The following PXDNL variants were observed in gnomAD, a reference collection of about 807,000 sequenced individuals.
PXDNL encodes the protein probable oxidoreductase PXDNL.
Under a neutral mutation model 150.8 loss-of-function variants are expected in PXDNL, and 145 were observed. That is an observed-to-expected ratio of 0.96 (90% CI 0.84 to 1.10). The LOEUF (loss-of-function observed/expected upper bound fraction) is 1.10. Among genes scored for constraint, PXDNL ranks in the 50% least tolerant of loss-of-function variants. The probability of loss-of-function intolerance (pLI) is 0.00; values close to 1 mark genes in which losing one functional copy is unlikely to be tolerated. For synonymous variants in PXDNL, 757 were observed against 725.7 expected (o/e 1.04, Z -0.69); for missense variants, 2,087 against 1,873.9 (o/e 1.11, Z -2.10).
intron 1 of PXDNL, among the ~76,000 whole-genome samples, chr8:51,773,544 C>G (rs1040939190): frequency 3.9e-5 from 6 of 152,174 alleles, no homozygotes; most frequent in Non-Finnish European, 8.8e-5. Context: ...GCCCAAACAC[C>G]TTCTAGAATT....
intron 6 of PXDNL, among the ~76,000 whole-genome samples, chr8:51,478,454 C>T (rs1810529693): frequency 6.6e-6 from 1 of 152,192 alleles, no homozygotes; most frequent in African/African-American, 2.4e-5. Context: ...AACAGTAACA[C>T]CTCACTTGTA....
rs559825846 is a variant in PXDNL at position 51,493,843 on chromosome 8, T to C, written c.452+5856A>G. Among the ~76,000 whole-genome samples, 3 of 152,284 alleles carry C rather than the reference T, an allele frequency of 2.0e-5. No homozygotes were observed. The East Asian group carries it at 5.8e-4, about 29-fold the overall frequency. On this transcript the variant is annotated intron_variant, in intron 5 of 22. Coordinates refer to ENST00000356297, the MANE Select transcript of PXDNL (RefSeq NM_144651.5). Reference sequence around the variant, plus strand: ...AAGTGACAGGGAGAATGGAACCAAGTTGGAAAACAGTCTGCAGGATATTAT... The same window carrying C: ...AAGTGACAGGGAGAATGGAACCAAGCTGGAAAACAGTCTGCAGGATATTAT...
In PXDNL at chr8:51,349,699, C is replaced by T. The variant is rs1040702915; in HGVS notation, c.3902-3752G>A. On this transcript the variant is annotated intron_variant, in intron 19 of 22. Transcript: ENST00000356297. ...AGTTCATTGGAGTGGATTGACAGTCCGTGGTGAATAAACAAGGTCAAGTTT... is the reference window on the plus strand; with the variant it reads ...AGTTCATTGGAGTGGATTGACAGTCTGTGGTGAATAAACAAGGTCAAGTTT... 2.0e-5 allele frequency among the ~76,000 whole-genome samples: 3 copies of T among 152,146 alleles called. No individual in the cohort carries two copies. The South Asian group carries it at 6.2e-4, about 32-fold the overall frequency.
intron 1 of PXDNL, among the ~76,000 whole-genome samples, chr8:51,744,196 G>GA (rs1253983574): frequency 7.4e-6 from 1 of 134,268 alleles, no homozygotes; most frequent in South Asian, 2.4e-4. Flanking sequence ...AAGAGAGAAA[G>GA]AAAAAAGAAA....
intron 17 of PXDNL, among the ~76,000 whole-genome samples, chr8:51,378,851 A>T (rs1183288624): frequency 6.6e-6 from 1 of 151,880 alleles, no homozygotes; most frequent in African/African-American, 2.4e-5. Context: ...AACTCTGAAC[A>T]TGTTCGAACA....
At position 51,492,639 on chromosome 8, in the gene PXDNL, C is replaced by T. The variant is rs139240671; in HGVS notation, c.452+7060G>A. ...AATGGCACACCAGGAGATTGTATCC[C>T]GCACCTGGCTCGGAGGGTCCTACGC... is the stretch of plus-strand genomic sequence containing the variant. On this transcript the variant is annotated intron_variant, in intron 5 of 22. Transcript: ENST00000356297. Among the ~76,000 whole-genome samples, 1,218 of 152,280 alleles carry T rather than the reference C, an allele frequency of 8.0e-3. 46 individuals are homozygous for T. The highest frequency in any genetic ancestry group is 0.066 in the Admixed American group (1,011 of 15,282).
At chr8:51,342,260 A>AATCATC (rs1159540387) in intron 20 of PXDNL, among the ~76,000 whole-genome samples, 2 of 152,030 alleles carry the variant, frequency 1.3e-5, no homozygotes, top group Non-Finnish European at 2.9e-5. Context: ...ATAAGAGAAA[A>AATCATC]ATCATCAGTA....
chr8:51,752,186 C>T (rs1468559536), intron 1 of PXDNL, among the ~76,000 whole-genome samples: 2 of 152,334 alleles, frequency 1.3e-5, no homozygotes, highest in Admixed American at 6.5e-5. Flanking sequence ...AGTAAATTTA[C>T]TTAAATTCAG....
At chr8:51,407,195 T>C (rs192965152) in intron 17 of PXDNL, among the ~76,000 whole-genome samples, 144 of 152,322 alleles carry the variant, frequency 9.5e-4, no homozygotes, top group Non-Finnish European at 1.5e-4. Context: ...CAGGGTACTC[T>C]GATTTCTTTT....
At position 51,371,932 on chromosome 8, in the gene PXDNL, T is replaced by C. The variant is rs1807128200; in HGVS notation, c.3842A>G (p.Tyr1281Cys). ...CTTCGGGATCTCGCTGCAGTTCAGG[T>C]AATCCTGTGGGTATTCTGCCTTTAC... ...VFVKAEYPQD[Y>C]LNCSEIPKVD... The change falls in exon 19 of 23, where the codon TAC (tyrosine) becomes TGC (cysteine). Residue 1281 changes from tyrosine to cysteine, a missense_variant. Physicochemically the swap from Tyr to Cys is radical, Grantham distance 194 (BLOSUM62 -2). Coordinates refer to ENST00000356297, the MANE Select transcript of PXDNL (RefSeq NM_144651.5). 4.3e-6 allele frequency: 7 copies of C among 1,613,890 alleles called. No homozygotes were observed. Among genetic ancestry groups the C allele is most frequent in the African/African-American group, 1.3e-5 (1 of 74,930 alleles).
Position 51,388,319 on chromosome 8 carries a change from T to TA in PXDNL, c.3558-13589dup, listed in dbSNP as rs368847138. On this transcript the variant is annotated intron_variant, in intron 17 of 22. Transcript: ENST00000356297. ...GAAATCTGGTTTTTTTATGTTTTTG[T>TA]AACTTAACTTTCAGTTTGGGAATAT... 2.3e-3 allele frequency among the ~76,000 whole-genome samples: 350 copies of TA among 152,344 alleles called. 2 individuals carry two copies. The highest frequency in any genetic ancestry group is 7.8e-3 in the African/African-American group (324 of 41,598).
intron 3 of PXDNL, among the ~76,000 whole-genome samples, chr8:51,582,459 T>C (rs2130629900): frequency 6.6e-6 from 1 of 152,286 alleles, no homozygotes; most frequent in African/African-American, 2.4e-5. Context: ...AGCAACAACT[T>C]TGAAAGGCTC....
At chr8:51,365,224 C>T (rs1201616022) in intron 19 of PXDNL, among the ~76,000 whole-genome samples, 1 of 152,218 alleles carries the variant, frequency 6.6e-6, no homozygotes, top group East Asian at 1.9e-4. Flanking sequence ...AGGCTTGAGC[C>T]ACCAGGCCCA....
intron 3 of PXDNL, among the ~76,000 whole-genome samples, chr8:51,561,548 CGAA>C (rs1375069908): frequency 6.6e-6 from 1 of 151,446 alleles, no homozygotes; most frequent in Non-Finnish European, 1.5e-5. Flanking sequence ...TTTAAAAAAA[CGAA>C]GGAAATTCTG....
At chr8:51,413,290 C>G in intron 14 of PXDNL, 32 bp from the exon 15 acceptor site, 1 of 1,343,348 alleles carries the variant, frequency 7.4e-7, no homozygotes, top group Non-Finnish European at 1.1e-6. Context: ...TTAAAAATAT[C>G]AAACAGACCT....
intron 4 of PXDNL, among the ~76,000 whole-genome samples, chr8:51,554,883 G>A (rs1026343630): frequency 3.3e-4 from 50 of 152,072 alleles, no homozygotes; most frequent in African/African-American, 1.2e-3. Flanking sequence ...TTGAGCCCTC[G>A]CCAGAACTGC....
intron 17 of PXDNL, among the ~76,000 whole-genome samples, chr8:51,377,006 C>A (rs533648062): frequency 6.6e-6 from 1 of 152,052 alleles, no homozygotes; most frequent in Admixed American, 6.5e-5. Context: ...CGTGAGCCAC[C>A]GCGCCCAGCC....
At chr8:51,686,005 C>T (rs1000391664) in intron 1 of PXDNL, among the ~76,000 whole-genome samples, 1 of 152,154 alleles carries the variant, frequency 6.6e-6, no homozygotes, top group African/African-American at 2.4e-5. Flanking sequence ...AAGTTCTTCC[C>T]ATTGAGTAAA....
intron 19 of PXDNL, among the ~76,000 whole-genome samples, chr8:51,358,943 A>G (rs975244180): frequency 6.6e-6 from 1 of 152,188 alleles, no homozygotes; most frequent in African/African-American, 2.4e-5. Flanking sequence ...TACCTCTGAA[A>G]GGGCTTCATG....
Sources: allele counts gnomAD v4.1 joint callset (sites outside exome capture counted in the v4.1 genomes callset), GRCh38; gene constraint gnomAD v4.1.1; transcripts MANE v1.5; gene names NCBI Gene and HGNC (gene_info 2026-07-23, HGNC 2026-07-21).